Variants in ANKRD33B observed in about 807,000 individuals in gnomAD.
ANKRD33B encodes the protein ankyrin repeat domain-containing protein 33B.
Under a neutral mutation model 21.5 loss-of-function variants are expected in ANKRD33B, and 6 were observed. The observed-to-expected ratio is 0.28, with a 90% CI of 0.15 to 0.55. ANKRD33B has a LOEUF of 0.55. Ranked by LOEUF, ANKRD33B falls within the 20% of genes least tolerant of loss-of-function variation. ANKRD33B has a pLI of 0.94. For synonymous variants in ANKRD33B, 347 were observed against 342.4 expected, an observed-to-expected ratio of 1.01 and a Z score of -0.15; for missense variants, 698 against 747.2, an observed-to-expected ratio of 0.93 and a Z score of 0.77.
chr5:10,574,400 A>AT (rs946166486), intron 1 of ANKRD33B, among the ~76,000 whole-genome samples: 37 of 150,986 alleles, frequency 2.5e-4, no homozygotes, highest in African/African-American at 6.1e-4. Context: ...AATTTGGTTA[A>AT]TTTTTTTTTT....
At chr5:10,623,449 G>A (rs1736469644) in intron 2 of ANKRD33B, among the ~76,000 whole-genome samples, 1 of 152,176 alleles carries the variant, frequency 6.6e-6, no homozygotes, top group African/African-American at 2.4e-5. Context: ...TGCTTAGGCT[G>A]TGATAAAGGA....
At chr5:10,621,100 G>A (rs1453656046) in intron 2 of ANKRD33B, among the ~76,000 whole-genome samples, 1 of 152,022 alleles carries the variant, frequency 6.6e-6, no homozygotes, top group Non-Finnish European at 1.5e-5. Flanking sequence ...CCCAAACCCA[G>A]CCAGTTGGTA....
At chr5:10,642,313 G>T (rs1211004980) in intron 3 of ANKRD33B, among the ~76,000 whole-genome samples, 1 of 152,048 alleles carries the variant, frequency 6.6e-6, no homozygotes, top group African/African-American at 2.4e-5. Flanking sequence ...CAGTTATTTG[G>T]ATACAAATTT....
At position 10,640,134 on chromosome 5, in the gene ANKRD33B, G is replaced by T. The variant is rs73040963; in HGVS notation, c.637+1966G>T. On this transcript the variant is annotated intron_variant, in intron 3 of 3. Transcript: ENST00000296657. ...GCGCGGTGATGTTAGCGGGTGACGT[G>T]GAGTTGTGTGGTGATGTTAGCGGGT... Among the ~76,000 whole-genome samples the T allele has an allele frequency of 2.7e-3, 143 of 53,072 alleles. 5 individuals are homozygous for T. The highest frequency in any genetic ancestry group is 4.5e-3 in the South Asian group (7 of 1,568). 34.8% of individuals were successfully genotyped at this position (53,072 alleles called of 152,430 possible). A position where few individuals can be genotyped will look rare whatever the true frequency, so the allele number is the denominator to read the frequency against.
intron 1 of ANKRD33B, among the ~76,000 whole-genome samples, chr5:10,611,167 GGAGAAGAAAGC>G: frequency 6.6e-6 from 1 of 152,184 alleles, no homozygotes; most frequent in Non-Finnish European, 1.5e-5. Context: ...TGGGAGGGAT[GGAGAAGAAAGC>G]ACAAAAAGGC....
At chr5:10,592,164 T>A (rs532359862) in intron 1 of ANKRD33B, among the ~76,000 whole-genome samples, 1 of 152,242 alleles carries the variant, frequency 6.6e-6, no homozygotes, top group East Asian at 1.9e-4. Flanking sequence ...CCCAGATTGC[T>A]CCTTTAACAC....
chr5:10,655,485 C>T lies in ANKRD33B; in HGVS notation c.*5372C>T, dbSNP rs1737466808. 1 of 152,396 alleles carries T rather than the reference C, an allele frequency of 6.6e-6. No individual in the cohort carries two copies. Among genetic ancestry groups the T allele is most frequent in the Non-Finnish European group, 1.5e-5 (1 of 68,082 alleles). The allele number at this position is 152,396 out of a possible 1,614,324, so 9.4% of individuals were successfully genotyped here. On this transcript the variant is annotated 3_prime_UTR_variant, in exon 4 of 4. Transcript: ENST00000296657. ...GGGAAGGCTGTCCGTTCATCCTTACCCTGGGGACTCAAGTGTGCTCTGCGG... is the reference window on the plus strand; with the variant it reads ...GGGAAGGCTGTCCGTTCATCCTTACTCTGGGGACTCAAGTGTGCTCTGCGG...
rs568183936 is a variant in ANKRD33B, at chr5:10,611,959, T to C, written c.367-6374T>C. Among the ~76,000 whole-genome samples, 415 of 152,256 alleles carry C rather than the reference T, an allele frequency of 2.7e-3. 5 individuals carry two copies. Among genetic ancestry groups the C allele is most frequent in the Non-Finnish European group, 3.0e-3 (206 of 68,018 alleles). On this transcript the variant is annotated intron_variant, in intron 1 of 3. Coordinates refer to ENST00000296657, the MANE Select transcript of ANKRD33B (RefSeq NM_001164440.2). Reference sequence around the variant, plus strand: ...CACTTGGTCTTCTCTACAGGCCACATGTGTTGAAGATTCCCTGCCTTACTG... The same window carrying C: ...CACTTGGTCTTCTCTACAGGCCACACGTGTTGAAGATTCCCTGCCTTACTG...
chr5:10,586,485 CTGTGTGTGTGTGTG>C lies in ANKRD33B; in HGVS notation c.366+21688_366+21701del, dbSNP rs55940283. Among the ~76,000 whole-genome samples the C allele has an allele frequency of 3.8e-3, 533 of 140,502 alleles. 4 individuals carry two copies. The highest frequency in any genetic ancestry group is 0.014 in the Middle Eastern group (4 of 276). The allele number at this position is 140,502 out of a possible 152,430, so 92.2% of individuals were successfully genotyped here. On this transcript the variant is annotated intron_variant, in intron 1 of 3. Coordinates refer to ENST00000296657, the MANE Select transcript of ANKRD33B (RefSeq NM_001164440.2). ...TACGATGTGCGTTGGGTTCTTGTAA[CTGTGTGTGTGTGTG>C]TGTGTGTGTGTGTGTGTGTGTGTGT...
chr5:10,610,974 G>C (rs1268887523), intron 1 of ANKRD33B, among the ~76,000 whole-genome samples: 1 of 152,208 alleles, frequency 6.6e-6, no homozygotes, highest in Non-Finnish European at 1.5e-5. Context: ...AACCTGGGGG[G>C]CGGAGGTTGC....
At chr5:10,584,750 G>A (rs767975726) in intron 1 of ANKRD33B, among the ~76,000 whole-genome samples, 15 of 152,272 alleles carry the variant, frequency 9.9e-5, no homozygotes, top group South Asian at 2.1e-4. Context: ...TGGAGCTTAC[G>A]TGATTTTGGG....
At position 10,649,580 on chromosome 5, in the gene ANKRD33B, C is replaced by A. The variant is rs1579762724; in HGVS notation, c.952C>A (p.Pro318Thr). The A allele has an allele frequency of 1.3e-6, 2 of 1,527,990 alleles. No homozygotes were observed. Among genetic ancestry groups the A allele is most frequent in the African/African-American group, 1.4e-5 (1 of 72,812 alleles). The allele number at this position is 1,527,990 out of a possible 1,614,324, so 94.7% of individuals were successfully genotyped here. Residue 318 changes from proline to threonine, a missense_variant, in exon 4 of 4, where the codon CCC becomes ACC. Transcript: ENST00000296657. ...CCGGATGACCACGAGCCTCTACAGC[C>A]CCGCCGTGGCCATCGTGTGCCAGAC... is the stretch of plus-strand genomic sequence containing the variant. Reference protein sequence around the residue: ...MVRMTTSLYSPAVAIVCQTVC... With the variant: ...MVRMTTSLYSTAVAIVCQTVC...
At chr5:10,634,696 T>C (rs886165979) in intron 2 of ANKRD33B, among the ~76,000 whole-genome samples, 3 of 151,380 alleles carry the variant, frequency 2.0e-5, no homozygotes, top group Non-Finnish European at 1.5e-5. Flanking sequence ...CCTCAAGTGA[T>C]CTGCCTGCCT....
intron 1 of ANKRD33B, among the ~76,000 whole-genome samples, chr5:10,589,389 C>G (rs1294812373): frequency 6.6e-6 from 1 of 152,188 alleles, no homozygotes; most frequent in Non-Finnish European, 1.5e-5. Context: ...CCTGACTACA[C>G]CAAGCCTCAC....
At chr5:10,609,143 A>G (rs912740503) in intron 1 of ANKRD33B, among the ~76,000 whole-genome samples, 1 of 152,268 alleles carries the variant, frequency 6.6e-6, no homozygotes, top group Non-Finnish European at 1.5e-5. Context: ...AAAATAGCTC[A>G]TTAAAATTTT....
At position 10,564,741 on chromosome 5, in the gene ANKRD33B, G is replaced by C; in HGVS notation, c.274G>C (p.Ala92Pro). ...SVPETATLLR[A>P]ACANNVGLLR... ...CCCGGAGACGGCGACCCTCCTGCGC[G>C]CCGCCTGCGCCAACAACGTGGGGCT... Residue 92 changes from alanine (A) to proline (P), a missense_variant, in exon 1 of 4, where the codon GCC (alanine) becomes CCC (proline). Coordinates refer to ENST00000296657, the MANE Select transcript of ANKRD33B (RefSeq NM_001164440.2). 2.6e-6 allele frequency: 4 copies of C among 1,530,776 alleles called. No homozygotes were observed. Among genetic ancestry groups the C allele is most frequent in the Non-Finnish European group, 3.5e-6 (4 of 1,143,980 alleles). 94.8% of individuals were successfully genotyped at this position (1,530,776 alleles called of 1,614,324 possible). A position where few individuals can be genotyped will look rare whatever the true frequency, so the allele number is the denominator to read the frequency against.
At chr5:10,600,189 G>A (rs1735900365) in intron 1 of ANKRD33B, among the ~76,000 whole-genome samples, 1 of 152,210 alleles carries the variant, frequency 6.6e-6, no homozygotes. Flanking sequence ...TTACTTCATT[G>A]AGAGATAATT....
Position 10,590,964 on chromosome 5 carries a change from G to C in ANKRD33B, c.366+26131G>C, listed in dbSNP as rs146018001. 7.9e-5 allele frequency among the ~76,000 whole-genome samples: 12 copies of C among 152,264 alleles called. No homozygotes were observed. The East Asian group carries it at 2.1e-3, about 27-fold the overall frequency. On this transcript the variant is annotated intron_variant, in intron 1 of 3. Coordinates refer to ENST00000296657, the MANE Select transcript of ANKRD33B (RefSeq NM_001164440.2). ...GATATTTAGGGAAAAAAAGTATTCA[G>C]TTGTTCTCAGGGGAAAAGTGCCTCT... is the stretch of plus-strand genomic sequence containing the variant.
At chr5:10,641,738 T>C (rs1279895374) in intron 3 of ANKRD33B, among the ~76,000 whole-genome samples, 1 of 152,072 alleles carries the variant, frequency 6.6e-6, no homozygotes, top group Non-Finnish European at 1.5e-5. Context: ...TAGGAGATGC[T>C]ATAATAAAAA....
Sources: allele counts gnomAD v4.1 joint callset (sites outside exome capture counted in the v4.1 genomes callset), GRCh38; gene constraint gnomAD v4.1.1; transcripts MANE v1.5; gene names NCBI Gene and HGNC (gene_info 2026-07-23, HGNC 2026-07-21).